TRIM5: variants seen among roughly 807,000 people sequenced by gnomAD.
TRIM5 encodes the protein tripartite motif containing 5.
Under a neutral mutation model 35.6 loss-of-function variants are expected in TRIM5, and 31 were observed. The observed-to-expected ratio is 0.87, with a 90% CI of 0.65 to 1.18. The LOEUF (loss-of-function observed/expected upper bound fraction) is 1.18, where lower values mean the gene tolerates loss of function less well. TRIM5 is among the 50% of genes most tolerant of loss of function. The pLI is 0.00. For synonymous variants in TRIM5, 243 were observed against 215.6 expected (o/e 1.13, Z -1.11); for missense variants, 609 against 591.6 (o/e 1.03, Z -0.31).
At chr11:5,679,636 G>T (rs941665649) in intron 2 of TRIM5, 125 bp downstream of exon 2, 9 of 1,036,642 alleles carry the variant, frequency 8.7e-6, no homozygotes, top group Non-Finnish European at 1.2e-5. Context: ...GTTAAGCATA[G>T]CATGAAAAAA....
chr11:5,651,987 G>C, the TRIM5 span, among the ~76,000 whole-genome samples: 9 of 151,858 alleles, frequency 5.9e-5, no homozygotes, highest in African/African-American at 2.2e-4. Flanking sequence ...TATTTTAATG[G>C]GGTTGTTTGT....
chr11:5,678,118 T>A, intron 4 of TRIM5, 86 bp downstream of exon 4: 1 of 1,159,874 alleles, frequency 8.6e-7, no homozygotes, highest in Non-Finnish European at 1.2e-6. Context: ...ACATTGTTAA[T>A]ATTAGAAAAA....
the TRIM5 span, chr11:5,633,713 C>T: frequency 1.9e-5 from 25 of 1,347,008 alleles, no homozygotes; most frequent in Non-Finnish European, 2.5e-5. Context: ...TTGCTTTTTT[C>T]TGGGATCAAC....
the TRIM5 span, chr11:5,643,368 T>G: frequency 5.5e-5 from 89 of 1,613,948 alleles, no homozygotes; most frequent in Non-Finnish European, 7.5e-5. Context: ...CCATATGAAG[T>G]ATGTTGTTAG....
At chr11:5,634,829 CG>C in the TRIM5 span, 1 of 1,613,098 alleles carries the variant, frequency 6.2e-7, no homozygotes, top group Middle Eastern at 1.7e-4. Flanking sequence ...TGTGGAGTGT[CG>C]GAGTCAGTGG....
chr11:5,634,018 C>T, the TRIM5 span: 16 of 1,072,720 alleles, frequency 1.5e-5, no homozygotes, highest in Non-Finnish European at 1.9e-5. Flanking sequence ...TTGATTAGTT[C>T]TCTTCTCTGT....
the TRIM5 span, chr11:5,642,876 T>C: frequency 1.9e-6 from 3 of 1,613,348 alleles, no homozygotes; most frequent in Non-Finnish European, 2.5e-6. Context: ...ATAACTGTTT[T>C]CCAATTACCT....
Position 5,666,090 on chromosome 11 carries a change from T to TAAAAA in TRIM5, c.768-14_768-10dup. 7.2e-6 allele frequency: 10 copies of TAAAAA among 1,381,894 alleles called. No homozygotes were observed. Among genetic ancestry groups the TAAAAA allele is most frequent in the African/African-American group, 1.6e-5 (1 of 64,510 alleles). The allele number at this position is 1,381,894 out of a possible 1,614,324, so 85.6% of individuals were successfully genotyped here. A position where few individuals can be genotyped will look rare whatever the true frequency, so the allele number is the denominator to read the frequency against. On this transcript the variant is annotated splice_polypyrimidine_tract_variant and intron_variant, in intron 5 of 7. Coordinates refer to ENST00000380034, the MANE Select transcript of TRIM5 (RefSeq NM_033034.3). ...AGGTCACGTTCTCCGTCCTAAGAAT[T>TAAAAA]AAAAAAAAAAAAAAAAACTTCCAAA... is the stretch of plus-strand genomic sequence containing the variant.
the TRIM5 span, among the ~76,000 whole-genome samples, chr11:5,657,531 TTATTTATA>T: frequency 3.1e-5 from 4 of 130,416 alleles, no homozygotes; most frequent in Admixed American, 2.7e-4. Context: ...ATTATATATA[TTATTTATA>T]TATTATATAT....
At chr11:5,667,734 CAATT>C in intron 4 of TRIM5, 23 bp from the exon 5 acceptor site, 1 of 1,612,504 alleles carries the variant, frequency 6.2e-7, no homozygotes, top group South Asian at 1.1e-5. Flanking sequence ...GAGAAAACAT[CAATT>C]AAGAAAGAAA....
At chr11:5,673,029 G>A (rs1163512898) in intron 4 of TRIM5, among the ~76,000 whole-genome samples, 1 of 151,964 alleles carries the variant, frequency 6.6e-6, no homozygotes, top group Non-Finnish European at 1.5e-5. Flanking sequence ...AAAAAAGACA[G>A]GAGAAATATA....
chr11:5,657,599 A>AATATATATATATAT, the TRIM5 span, among the ~76,000 whole-genome samples: 6 of 90,222 alleles, frequency 6.7e-5, no homozygotes, highest in African/African-American at 3.7e-4. Context: ...CATTATATAT[A>AATATATATATATAT]ATATATATTT....
At chr11:5,620,504 C>CT in the TRIM5 span, among the ~76,000 whole-genome samples, 2 of 152,144 alleles carry the variant, frequency 1.3e-5, no homozygotes, top group African/African-American at 4.8e-5. Flanking sequence ...TCCAGCCAAG[C>CT]TTTTTTTCTC....
chr11:5,669,904 G>T (rs1180320330), intron 4 of TRIM5: 1 of 192,338 alleles, frequency 5.2e-6, no homozygotes, highest in Non-Finnish European at 1.2e-5. Context: ...GAACCCAGGA[G>T]GCGGAGGTTG....
chr11:5,646,036 T>C, the TRIM5 span, among the ~76,000 whole-genome samples: 1 of 114,376 alleles, frequency 8.7e-6, no homozygotes, highest in East Asian at 5.0e-4. Context: ...ATAGTACACA[T>C]AAATATATTA....
At chr11:5,618,183 A>C in the TRIM5 span, among the ~76,000 whole-genome samples, 1 of 152,210 alleles carries the variant, frequency 6.6e-6, no homozygotes, top group Non-Finnish European at 1.5e-5. Context: ...CAGCCTGACC[A>C]ACATGGTGAA....
chr11:5,589,279 G>GT, the TRIM5 span: 1 of 151,532 alleles, frequency 6.6e-6, no homozygotes, highest in African/African-American at 2.4e-5. Context: ...CTCATCTAGT[G>GT]TCCTCTTCTG....
chr11:5,615,936 T>C, the TRIM5 span, among the ~76,000 whole-genome samples: 28 of 147,034 alleles, frequency 1.9e-4, 2 homozygotes, highest in East Asian at 6.1e-4. Flanking sequence ...TCTTTTCATT[T>C]TTTTTTTTTT....
At chr11:5,682,850 T>G (rs556223030) in intron 1 of TRIM5, among the ~76,000 whole-genome samples, 227 of 152,058 alleles carry the variant, frequency 1.5e-3, no homozygotes, top group African/African-American at 5.3e-3. Flanking sequence ...TTGGCGGCAC[T>G]TGAGGAGCTC....
Sources: gnomAD v4.1 joint callset for allele counts (sites outside exome capture counted in the v4.1 genomes callset) on GRCh38, gnomAD v4.1.1 for gene constraint, MANE v1.5 for transcripts, NCBI Gene and HGNC (gene_info 2026-07-23, HGNC 2026-07-21) for gene names.